The following NEK2 variants were observed in gnomAD, a reference collection of about 807,000 sequenced individuals.
NEK2 encodes the protein NIMA related kinase 2, also known as serine/threonine-protein kinase Nek2.
In NEK2, 28 loss-of-function variants were observed where a neutral mutation model predicts 54.1. The ratio of observed to expected loss-of-function variants is 0.52; its 90% CI spans 0.38 to 0.71. NEK2 has a LOEUF of 0.71. NEK2 is among the 30% of genes least tolerant of loss of function. The pLI is 0.00. For synonymous variants in NEK2, 176 were observed against 193.1 expected, an observed-to-expected ratio of 0.91 and a Z score of 0.73; for missense variants, 407 against 531.5, an observed-to-expected ratio of 0.77 and a Z score of 2.30.
intron 3 of NEK2, among the ~76,000 whole-genome samples, chr1:211,672,432 T>C (rs531510611): frequency 4.3e-4 from 65 of 152,188 alleles, no homozygotes; most frequent in Non-Finnish European, 8.5e-4. Flanking sequence ...ATAGAGGTAA[T>C]TGGTGAGTGG....
intron 3 of NEK2, among the ~76,000 whole-genome samples, chr1:211,672,697 A>G (rs1655436508): frequency 6.6e-6 from 1 of 152,074 alleles, no homozygotes; most frequent in Non-Finnish European, 1.5e-5. Context: ...TTTGGGACCC[A>G]GAACTCTGCA....
chr1:211,660,709 T>G (rs1654998230), downstream of NEK2: 2 of 673,950 alleles, frequency 3.0e-6, no homozygotes, highest in Non-Finnish European at 5.6e-6. Context: ...AGATCCACAT[T>G]GCCCTGGGGG....
chr1:211,670,251 A>G (rs750224204), intron 5 of NEK2, 30 bp downstream of exon 5: 2 of 1,590,912 alleles, frequency 1.3e-6, no homozygotes, highest in South Asian at 2.3e-5. Context: ...ACAGCTAGAA[A>G]CAGACAATAT....
chr1:211,660,247 G>A (rs1654984694), downstream of NEK2: 2 of 363,112 alleles, frequency 5.5e-6, no homozygotes, highest in South Asian at 3.0e-5. Context: ...TGGGAGCAGG[G>A]GCATTGCATA....
In NEK2 at chr1:211,663,484, A is replaced by G; in HGVS notation, c.1280T>C (p.Leu427Pro). Residue 427 changes from leucine to proline, a missense_variant, in exon 8 of 8, where the codon CTG becomes CCG. Coordinates refer to ENST00000366999, the MANE Select transcript of NEK2 (RefSeq NM_002497.4). ...LHAAQLRAQA[L>P]SDIEKNYQLK... ...TTGGTAATTTTTCTCAATATCTGAC[A>G]GGGCTTGAGCCCGCAGCTGGGCAGC... 8 of 1,613,952 alleles carry G rather than the reference A, an allele frequency of 5.0e-6. No individual in the cohort carries two copies. The highest frequency in any genetic ancestry group is 6.8e-6 in the Non-Finnish European group (8 of 1,179,866).
intron 6 of NEK2, among the ~76,000 whole-genome samples, chr1:211,668,803 T>TC (rs1227931009): frequency 1.3e-5 from 2 of 152,060 alleles, no homozygotes; most frequent in Non-Finnish European, 2.9e-5. Flanking sequence ...ATTAGGGTAT[T>TC]CACAGTAGAG....
downstream of NEK2, chr1:211,661,319 C>A: frequency 2.0e-6 from 1 of 508,182 alleles, no homozygotes; most frequent in South Asian, 1.9e-5. Context: ...AAGTTTTTGT[C>A]ATTGCTGTAT....
chr1:211,673,415 AAAAC>A, intron 3 of NEK2, 64 bp downstream of exon 3: 9 of 1,593,696 alleles, frequency 5.6e-6, no homozygotes, highest in South Asian at 1.1e-5. Flanking sequence ...CTCTGTCTCA[AAAAC>A]AAACAAACAA....
chr1:211,660,412 T>C (rs1227985418), downstream of NEK2: 1 of 695,292 alleles, frequency 1.4e-6, no homozygotes, highest in Non-Finnish European at 2.7e-6. Context: ...GATCTGGTAC[T>C]GTTTTGGAGT....
intron 5 of NEK2, among the ~76,000 whole-genome samples, chr1:211,669,707 C>A (rs1179657523): frequency 6.6e-6 from 1 of 152,208 alleles, no homozygotes; most frequent in East Asian, 1.9e-4. Context: ...CACTGACTCT[C>A]AATCCTGTCA....
In NEK2 at chr1:211,669,307, T is replaced by C; in HGVS notation, c.791A>G (p.Glu264Gly). 6.2e-7 allele frequency: 1 copy of C among 1,614,186 alleles called. No homozygotes were observed. The highest frequency in any genetic ancestry group is 8.5e-7 in the Non-Finnish European group (1 of 1,180,014). ...TGCTATTAAAGGGTTCTCAAGAATTTCTTCAACAGAAGGTCGATGGTAATC... is the reference window on the plus strand; with the variant it reads ...TGCTATTAAAGGGTTCTCAAGAATTCCTTCAACAGAAGGTCGATGGTAATC... ...LKDYHRPSVE[E>G]ILENPLIADL... The change falls in exon 6 of 8, where the codon GAA becomes GGA. Residue 264 changes from glutamate (E) to glycine (G), a missense_variant. Glu to Gly is a moderately conservative substitution (Grantham distance 98). Transcript: ENST00000366999.
intron 3 of NEK2, 82 bp downstream of exon 3, chr1:211,673,401 G>A (rs749362733): frequency 3.7e-5 from 57 of 1,541,238 alleles, no homozygotes; most frequent in Admixed American, 3.3e-4. Context: ...GCAACAGAGC[G>A]AGACTCTGTC....
chr1:211,671,619 CA>C (rs1334665243), intron 3 of NEK2, among the ~76,000 whole-genome samples: 3 of 152,154 alleles, frequency 2.0e-5, no homozygotes, highest in Non-Finnish European at 4.4e-5. Context: ...TAAGAATAGT[CA>C]AAATATGTAT....
Position 211,663,177 on chromosome 1 carries a change from G to A in NEK2, c.*249C>T. 1 of 1,269,998 alleles carries A rather than the reference G, an allele frequency of 7.9e-7. No homozygotes were observed. Among genetic ancestry groups the A allele is most frequent in the Non-Finnish European group, 9.9e-7 (1 of 1,006,176 alleles). 78.7% of individuals were successfully genotyped at this position (1,269,998 alleles called of 1,614,324 possible). ...ATGTTCCTACTAGTAATCACACACA[G>A]GATTAAAAGCCCAACCAAGAAAGTA... On this transcript the variant is annotated 3_prime_UTR_variant, in exon 8 of 8. Transcript: ENST00000366999.
intron 6 of NEK2, among the ~76,000 whole-genome samples, chr1:211,668,186 A>T (rs1249151553): frequency 6.6e-6 from 1 of 152,258 alleles, no homozygotes; most frequent in South Asian, 2.1e-4. Context: ...ACAATATTTC[A>T]TTATTTAAAG....
In NEK2 at chr1:211,669,344, A is replaced by G. The variant is rs1345938436; in HGVS notation, c.766-12T>C. 6.2e-7 allele frequency: 1 copy of G among 1,606,994 alleles called. No individual in the cohort carries two copies. The highest frequency in any genetic ancestry group is 1.1e-5 in the South Asian group (1 of 90,944). ...GGTCGATGGTAATCCTGGGGAAAAAATACTCAGTATTATAGTCAGATTGCA... is the reference window on the plus strand; with the variant it reads ...GGTCGATGGTAATCCTGGGGAAAAAGTACTCAGTATTATAGTCAGATTGCA... On this transcript the variant is annotated splice_polypyrimidine_tract_variant and intron_variant, in intron 5 of 7. Coordinates refer to ENST00000366999, the MANE Select transcript of NEK2 (RefSeq NM_002497.4).
intron 5 of NEK2, among the ~76,000 whole-genome samples, chr1:211,669,936 A>C (rs1202513302): frequency 6.6e-6 from 1 of 152,188 alleles, no homozygotes; most frequent in African/African-American, 2.4e-5. Context: ...GAGGCAGAGT[A>C]ATAAACTCTT....
chr1:211,669,506 G>A (rs1655296650), intron 5 of NEK2, 174 bp from the exon 6 acceptor site: 2 of 615,344 alleles, frequency 3.3e-6, no homozygotes, highest in Non-Finnish European at 5.7e-6. Context: ...TAACTCATGA[G>A]GTTCTGGGTC....
At chr1:211,662,720 C>T (rs1375233304), downstream of NEK2, 3 of 905,704 alleles carry the variant, frequency 3.3e-6, no homozygotes, top group Non-Finnish European at 4.0e-6. The surrounding 1 kb of genome is among the most constrained non-coding windows in gnomAD (Gnocchi z 4.2). Flanking sequence ...ACCTACAAAT[C>T]ATAAACACAA....
Sources: gnomAD v4.1 joint callset for allele counts (sites outside exome capture counted in the v4.1 genomes callset) on GRCh38, gnomAD v4.1.1 for gene constraint, Gnocchi (gnomAD v3.1) non-coding constraint, MANE v1.5 for transcripts, NCBI Gene and HGNC (gene_info 2026-07-23, HGNC 2026-07-21) for gene names.